Variants in PHACTR4 observed in about 807,000 individuals in gnomAD.
PHACTR4 encodes phosphatase and actin regulator 4.
PHACTR4 carries 51 observed loss-of-function variants against 72.7 expected under a neutral mutation model. The observed-to-expected ratio is 0.70, with a 90% CI of 0.56 to 0.89. PHACTR4 has a LOEUF of 0.89. Ranked by LOEUF, PHACTR4 falls within the 40% of genes least tolerant of loss-of-function variation. The probability of loss-of-function intolerance (pLI) is 0.00; values close to 1 mark genes in which losing one functional copy is unlikely to be tolerated. For missense variants in PHACTR4, 731 were observed against 861.8 expected, an observed-to-expected ratio of 0.85 and a Z score of 1.90; for synonymous variants, 255 against 302.5, an observed-to-expected ratio of 0.84 and a Z score of 1.63.
chr1:28,463,296 G>C (rs1658936701), intron 4 of PHACTR4, among the ~76,000 whole-genome samples: 1 of 150,196 alleles, frequency 6.7e-6, no homozygotes, highest in Non-Finnish European at 1.5e-5. Flanking sequence ...CTGGGTTTAG[G>C]GAGAACATTC....
At chr1:28,440,235 G>A (rs1401173188) in intron 2 of PHACTR4, among the ~76,000 whole-genome samples, 1 of 147,158 alleles carries the variant, frequency 6.8e-6, no homozygotes, top group East Asian at 2.1e-4. Flanking sequence ...CCGGGAGGCG[G>A]AGCTTGCAGT....
intron 9 of PHACTR4, 90 bp from the exon 10 acceptor site, chr1:28,489,079 AG>A: frequency 1.2e-6 from 1 of 831,780 alleles, no homozygotes; most frequent in Non-Finnish European, 1.9e-6. Context: ...TTACTTATAT[AG>A]GGGCTAATAT....
At chr1:28,472,069 C>T (rs545750920) in intron 6 of PHACTR4, among the ~76,000 whole-genome samples, 5 of 151,994 alleles carry the variant, frequency 3.3e-5, no homozygotes, top group East Asian at 3.9e-4. Flanking sequence ...AAAAATTAGC[C>T]GGGAGTGGTG....
intron 2 of PHACTR4, among the ~76,000 whole-genome samples, chr1:28,452,370 G>A (rs1446696735): frequency 6.6e-6 from 1 of 152,212 alleles, no homozygotes; most frequent in Non-Finnish European, 1.5e-5. Flanking sequence ...GCCAGGTGTG[G>A]TGGCACATGC....
intron 9 of PHACTR4, among the ~76,000 whole-genome samples, chr1:28,487,854 G>T (rs935725445): frequency 1.4e-5 from 2 of 144,858 alleles, no homozygotes; most frequent in Non-Finnish European, 3.0e-5. Flanking sequence ...TCCTGCCTCA[G>T]CCTCCCGAGT....
chr1:28,457,931 T>TC, intron 2 of PHACTR4: 2 of 872,604 alleles, frequency 2.3e-6, no homozygotes, highest in Non-Finnish European at 1.4e-6. Context: ...TTTTTTTTTT[T>TC]CCTTTCTTTA....
At chr1:28,375,228 G>A (rs1338641646) in intron 1 of PHACTR4, among the ~76,000 whole-genome samples, 1 of 152,138 alleles carries the variant, frequency 6.6e-6, no homozygotes, top group East Asian at 1.9e-4. Context: ...GATCCCAGGA[G>A]GCAGAGGTTG....
At chr1:28,472,351 G>C (rs1659615751) in intron 6 of PHACTR4, among the ~76,000 whole-genome samples, 1 of 152,112 alleles carries the variant, frequency 6.6e-6, no homozygotes, top group Non-Finnish European at 1.5e-5. Flanking sequence ...CTGAAAAATG[G>C]TAAAGATGCT....
At chr1:28,379,455 G>A (rs917769130) in intron 1 of PHACTR4, among the ~76,000 whole-genome samples, 1 of 151,428 alleles carries the variant, frequency 6.6e-6, no homozygotes, top group Non-Finnish European at 1.5e-5. Flanking sequence ...TAAAATTTTT[G>A]TAGAGATGGG....
chr1:28,476,822 G>T (rs1659957881), intron 8 of PHACTR4, among the ~76,000 whole-genome samples: 1 of 123,088 alleles, frequency 8.1e-6, no homozygotes, highest in Admixed American at 8.6e-5. Context: ...CCAGGCTGGA[G>T]TGCAATGGTG....
chr1:28,457,254 T>G (rs1180229728), intron 2 of PHACTR4: 2 of 420,868 alleles, frequency 4.8e-6, no homozygotes, highest in Admixed American at 5.5e-5. Flanking sequence ...TTTTAAAAAT[T>G]TAATGCTGTT....
intron 9 of PHACTR4, among the ~76,000 whole-genome samples, chr1:28,485,183 G>A (rs1321080240): frequency 6.6e-6 from 1 of 152,110 alleles, no homozygotes; most frequent in African/African-American, 2.4e-5. Context: ...AGTTGTCAGG[G>A]GCTCGGGATT....
intron 3 of PHACTR4, among the ~76,000 whole-genome samples, chr1:28,459,795 A>G (rs968400419): frequency 6.6e-6 from 1 of 152,184 alleles, no homozygotes; most frequent in Non-Finnish European, 1.5e-5. Context: ...TTGATGGCAT[A>G]TAAGTATCTA....
At chr1:28,392,391 G>A (rs1653124604) in intron 1 of PHACTR4, among the ~76,000 whole-genome samples, 1 of 151,758 alleles carries the variant, frequency 6.6e-6, no homozygotes, top group Non-Finnish European at 1.5e-5. Flanking sequence ...ATATACCAAG[G>A]ATAAATTCCT....
chr1:28,376,706 G>A (rs1274211175), intron 1 of PHACTR4, among the ~76,000 whole-genome samples: 5 of 150,898 alleles, frequency 3.3e-5, no homozygotes, highest in Non-Finnish European at 7.4e-5. Context: ...GTGCAATCTC[G>A]GCTCACTGCA....
intron 1 of PHACTR4, among the ~76,000 whole-genome samples, chr1:28,403,249 A>G (rs545976739): frequency 1.7e-4 from 26 of 152,320 alleles, no homozygotes; most frequent in Admixed American, 1.5e-3. Context: ...TCAAGTGGCA[A>G]TAGAGATCCA....
chr1:28,371,547 G>A (rs1044746015), intron 1 of PHACTR4, among the ~76,000 whole-genome samples: 10 of 152,074 alleles, frequency 6.6e-5, no homozygotes, highest in Non-Finnish European at 1.5e-4. Context: ...CACCCGCCTC[G>A]GTCTCCCAAA....
At chr1:28,482,090 G>T (rs953618986) in intron 9 of PHACTR4, among the ~76,000 whole-genome samples, 4 of 151,858 alleles carry the variant, frequency 2.6e-5, no homozygotes, top group Non-Finnish European at 4.4e-5. Flanking sequence ...TAAAGATGGG[G>T]TTTCACCATG....
chr1:28,409,340 C>T (rs909756549), intron 2 of PHACTR4, among the ~76,000 whole-genome samples: 4 of 152,042 alleles, frequency 2.6e-5, no homozygotes, highest in Non-Finnish European at 4.4e-5. Flanking sequence ...ATATTTCCCA[C>T]GTAGCTAGGA....
Sources: gnomAD v4.1 joint callset for allele counts (sites outside exome capture counted in the v4.1 genomes callset) on GRCh38, gnomAD v4.1.1 for gene constraint, MANE v1.5 for transcripts, NCBI Gene and HGNC (gene_info 2026-07-23, HGNC 2026-07-21) for gene names.